C10orf90: variants seen among roughly 807,000 people sequenced by gnomAD.
The protein encoded by C10orf90 is (E2-independent) E3 ubiquitin-conjugating enzyme FATS.
C10orf90 carries 56 observed loss-of-function variants against 62.5 expected under a neutral mutation model. The ratio of observed to expected loss-of-function variants is 0.90; its 90% CI spans 0.72 to 1.12. C10orf90 has a LOEUF of 1.12. C10orf90 is among the 50% of genes most tolerant of loss of function. The probability of loss-of-function intolerance (pLI) is 0.00; values close to 1 mark genes in which losing one functional copy is unlikely to be tolerated. For synonymous variants in C10orf90, 386 were observed against 340.4 expected (o/e 1.13, Z -1.47); for missense variants, 970 against 880.4 (o/e 1.10, Z -1.29).
At chr10:126,512,372 C>T (rs1241752980) in intron 3 of C10orf90, among the ~76,000 whole-genome samples, 2 of 65,010 alleles carry the variant, frequency 3.1e-5, no homozygotes, top group Non-Finnish European at 7.1e-5. Flanking sequence ...GTATGTGTGT[C>T]TGTGTGTGTG....
Position 126,643,049 on chromosome 10 carries a change from G to A in C10orf90, c.313+3516C>T, listed in dbSNP as rs148873497. ...TGCTCCACCTAAACCCACATTACCC[G>A]CCACCTGGAATATCACAACAGAGTT... On this transcript the variant is annotated intron_variant, in intron 2 of 9. Coordinates refer to ENST00000488181, the MANE Select transcript of C10orf90 (RefSeq NM_001350921.2). Among the ~76,000 whole-genome samples, 33 of 152,254 alleles carry A rather than the reference G, an allele frequency of 2.2e-4. No homozygotes were observed. In the East Asian group the frequency reaches 2.7e-3, roughly 12 times the overall value.
In C10orf90 at chr10:126,504,922, C is replaced by G; in HGVS notation, c.569G>C (p.Gly190Ala). 1 of 1,614,248 alleles carries G rather than the reference C, an allele frequency of 6.2e-7. No homozygotes were observed. The stretch of plus-strand genomic sequence containing the variant: ...CGCAAATGCTCTGTGAATGTTGACT[C>G]CGCTGCGGTTAGCCAGAGATTGCTT... ...HAKQSLANRSGVNIHRAFALL... is the reference protein window; with the variant it reads ...HAKQSLANRSAVNIHRAFALL... Residue 190 changes from glycine to alanine, a missense_variant, in exon 4 of 10, where the codon GGA (glycine) becomes GCA (alanine). Physicochemically the swap from Gly to Ala is moderately conservative, Grantham distance 60 (BLOSUM62 0). Transcript: ENST00000488181. The surrounding 1 kb of genome is among the most constrained non-coding windows in gnomAD (Gnocchi z 4.1).
chr10:126,535,352 C>G (rs1864207167), intron 2 of C10orf90, among the ~76,000 whole-genome samples: 1 of 151,672 alleles, frequency 6.6e-6, no homozygotes, highest in Non-Finnish European at 1.5e-5. Context: ...CCCGTGTCTA[C>G]TAAAAGTACA....
At chr10:126,564,114 G>T (rs976091512) in intron 2 of C10orf90, among the ~76,000 whole-genome samples, 1 of 152,218 alleles carries the variant, frequency 6.6e-6, no homozygotes, top group African/African-American at 2.4e-5. Context: ...TGTCTGCTTG[G>T]GGAGACATGG....
rs1011962009 is a variant in C10orf90, at chr10:126,456,403, A to G, written c.2188+2637T>C. Among the ~76,000 whole-genome samples the G allele has an allele frequency of 2.2e-4, 34 of 152,294 alleles. No individual in the cohort carries two copies. Among genetic ancestry groups the G allele is most frequent in the South Asian group, 2.1e-4 (1 of 4,826 alleles). On this transcript the variant is annotated intron_variant, in intron 7 of 9. Transcript: ENST00000488181. This position sits in a 1 kb window ranked among gnomAD's most constrained non-coding sequence, Gnocchi z 4.9. ...CTTTGAGAGCATGCTGCTTGCCAGG[A>G]CTGTCTTGGAATGTGGGGAGTAAAA...
intron 2 of C10orf90, among the ~76,000 whole-genome samples, chr10:126,564,658 C>T (rs1172735564): frequency 6.8e-6 from 1 of 147,684 alleles, no homozygotes; most frequent in Non-Finnish European, 1.5e-5. Flanking sequence ...TCCACAGCCA[C>T]CCAGACACAC....
At chr10:126,613,756 C>A (rs967816842) in intron 2 of C10orf90, among the ~76,000 whole-genome samples, 21 of 152,208 alleles carry the variant, frequency 1.4e-4, no homozygotes, top group Non-Finnish European at 2.2e-4. Context: ...AAGCACGTGA[C>A]CTTCAGGTAA....
Position 126,532,842 on chromosome 10 carries a change from C to CAAAAAAAAAAAAAAAAA in C10orf90, c.314-18904_314-18903insTTTTTTTTTTTTTTTTT, listed in dbSNP as rs1269013268. ...TGGGCAACAGAGCGAGACTACGTCT[C>CAAAAAAAAAAAAAAAAA]AAAAAAAAAAAAAAATAGTGAGCAC... On this transcript the variant is annotated intron_variant, in intron 2 of 9. Transcript: ENST00000488181. Among the ~76,000 whole-genome samples, 16 of 12,090 alleles carry CAAAAAAAAAAAAAAAAA rather than the reference C, an allele frequency of 1.3e-3. 3 individuals are homozygous for CAAAAAAAAAAAAAAAAA. The highest frequency in any genetic ancestry group is 2.7e-3 in the East Asian group (1 of 372). 7.9% of individuals were successfully genotyped at this position (12,090 alleles called of 152,430 possible). A position where few individuals can be genotyped will look rare whatever the true frequency, so the allele number is the denominator to read the frequency against.
intron 2 of C10orf90, among the ~76,000 whole-genome samples, chr10:126,642,349 G>T (rs565236519): frequency 6.6e-6 from 1 of 152,070 alleles, no homozygotes; most frequent in Non-Finnish European, 1.5e-5. Flanking sequence ...TGGCTAACAT[G>T]GTGAAACCCC....
chr10:126,490,043 T>TTATGTTATATAA (rs1491394935), intron 4 of C10orf90, among the ~76,000 whole-genome samples: 3 of 76,882 alleles, frequency 3.9e-5, no homozygotes, highest in African/African-American at 1.3e-4. Flanking sequence ...ATAATATATA[T>TTATGTTATATAA]TATATATTAT....
intron 4 of C10orf90, among the ~76,000 whole-genome samples, chr10:126,477,076 A>ATTTTTTTTTTTTTTTTTTTTTTTT (rs551973906): frequency 5.3e-5 from 3 of 56,434 alleles, no homozygotes; most frequent in Admixed American, 3.1e-4. Flanking sequence ...CGCCTGGCTA[A>ATTTTTTTTTTTTTTTTTTTTTTTT]TTTTTTTTTT....
intron 4 of C10orf90, 99 bp downstream of exon 4, chr10:126,503,853 AGAAAT>A: frequency 7.3e-7 from 1 of 1,378,760 alleles, no homozygotes; most frequent in South Asian, 1.4e-5. Context: ...AAGTCTACTG[AGAAAT>A]GCCTCTTAGA....
At chr10:126,639,291 G>A (rs375924087) in intron 2 of C10orf90, among the ~76,000 whole-genome samples, 3 of 152,152 alleles carry the variant, frequency 2.0e-5, no homozygotes, top group East Asian at 1.9e-4. Context: ...GGAAAATCTC[G>A]TCTCCATGGC....
chr10:126,648,558 G>A (rs1170076978), intron 1 of C10orf90, among the ~76,000 whole-genome samples: 1 of 152,214 alleles, frequency 6.6e-6, no homozygotes, highest in Non-Finnish European at 1.5e-5. Context: ...CTCTGACTTA[G>A]CGTAGACGCG....
chr10:126,638,732 C>T (rs550414860), intron 2 of C10orf90, among the ~76,000 whole-genome samples: 5 of 152,318 alleles, frequency 3.3e-5, no homozygotes, highest in African/African-American at 4.8e-5. Context: ...CATGGGATCA[C>T]AGGAAACCAA....
At chr10:126,496,481 C>T (rs1389698629) in intron 4 of C10orf90, among the ~76,000 whole-genome samples, 1 of 152,182 alleles carries the variant, frequency 6.6e-6, no homozygotes, top group Non-Finnish European at 1.5e-5. Flanking sequence ...ATTTTCTCTT[C>T]TTTAACATTA....
At chr10:126,609,157 C>T (rs1469226612) in intron 2 of C10orf90, among the ~76,000 whole-genome samples, 4 of 152,180 alleles carry the variant, frequency 2.6e-5, no homozygotes, top group African/African-American at 4.8e-5. Context: ...AATCCCAGCA[C>T]TTTGGGAGGC....
intron 7 of C10orf90, among the ~76,000 whole-genome samples, chr10:126,441,318 C>G (rs1032413678): frequency 1.3e-4 from 20 of 151,852 alleles, no homozygotes; most frequent in African/African-American, 4.1e-4. Flanking sequence ...TTGAATTAAC[C>G]CAACCCAACA....
At chr10:126,649,067 TCTCTC>T (rs1259570140) in intron 1 of C10orf90, among the ~76,000 whole-genome samples, 1 of 40,532 alleles carries the variant, frequency 2.5e-5, no homozygotes. Context: ...TCTCTCTCTC[TCTCTC>T]CCCCCCCCCC....
Sources: allele counts gnomAD v4.1 joint callset (sites outside exome capture counted in the v4.1 genomes callset), GRCh38; gene constraint gnomAD v4.1.1; non-coding constraint Gnocchi (gnomAD v3.1); transcripts MANE v1.5; gene names NCBI Gene and HGNC (gene_info 2026-07-23, HGNC 2026-07-21).